EIF2AK3: variants seen among roughly 807,000 people sequenced by gnomAD.
EIF2AK3 encodes the protein eukaryotic translation initiation factor 2-alpha kinase 3.
In EIF2AK3, 50 loss-of-function variants were observed where a neutral mutation model predicts 113.5. That is an observed-to-expected ratio of 0.44 (90% CI 0.35 to 0.56). The LOEUF is 0.56. EIF2AK3 is among the 20% of genes least tolerant of loss of function. The pLI is 0.00. For synonymous variants in EIF2AK3, 448 were observed against 495.4 expected, an observed-to-expected ratio of 0.90 and a Z score of 1.27; for missense variants, 1,185 against 1,378.0, an observed-to-expected ratio of 0.86 and a Z score of 2.22.
At chr2:88,609,768 G>A (rs930411280) in intron 2 of EIF2AK3, among the ~76,000 whole-genome samples, 1 of 151,976 alleles carries the variant, frequency 6.6e-6, no homozygotes, top group African/African-American at 2.4e-5. Flanking sequence ...GAACACATCT[G>A]ACGGTATTTG....
intron 16 of EIF2AK3, 117 bp from the exon 17 acceptor site, chr2:88,558,053 G>A (rs1673831518): frequency 5.0e-6 from 5 of 1,007,364 alleles, no homozygotes; most frequent in Non-Finnish European, 7.5e-6. Flanking sequence ...AGCCATATTC[G>A]AGTTTTCAAG....
rs139901728 is a variant in EIF2AK3 at position 88,613,834 on chromosome 2, T to C, written c.328A>G (p.Thr110Ala). Residue 110 changes from threonine to alanine, a missense_variant, in exon 2 of 17, where the codon ACT becomes GCT. This residue lies in a region of EIF2AK3 where 189 missense variants were observed against 175.2 expected (regional missense o/e 1.08). Transcript: ENST00000303236. ...AAGGCAGCAATTCTCCCATCTAAAG[T>C]GCTGATAATTACTAATGACCTGTAA... ...PRGRSLVIIS[T>A]LDGRIAALDP... 1.5e-5 allele frequency: 24 copies of C among 1,613,128 alleles called. No individual in the cohort carries two copies. In the Admixed American group the frequency reaches 3.2e-4, roughly 21 times the overall value.
At chr2:88,575,611 C>T in intron 12 of EIF2AK3, 165 bp from the exon 13 acceptor site, 4 of 734,492 alleles carry the variant, frequency 5.4e-6, no homozygotes, top group Non-Finnish European at 9.3e-6. Context: ...AGATACAGAA[C>T]ATCACATTCC....
chr2:88,562,358 G>A lies in EIF2AK3; in HGVS notation c.3018C>T (p.Asp1006=). 1 of 1,614,036 alleles carries A rather than the reference G, an allele frequency of 6.2e-7. No homozygotes were observed. The highest frequency in any genetic ancestry group is 8.5e-7 in the Non-Finnish European group (1 of 1,179,966). Residue 1006 remains aspartate, a synonymous_variant, in exon 15 of 17, where the codon GAC becomes GAT. Transcript: ENST00000303236. ...IHGNSYSHKV[D]IFSLGLILFE... ...ATAGAATCAGGCCTAAAGAAAAGAT[G>A]TCCACTTTATGAGAATAGCTGTTTC...
intron 15 of EIF2AK3, among the ~76,000 whole-genome samples, chr2:88,561,355 G>A (rs992164691): frequency 7.3e-5 from 11 of 151,584 alleles, no homozygotes; most frequent in Non-Finnish European, 1.5e-4. Flanking sequence ...TCCGCCTCCC[G>A]GGTTCACACC....
chr2:88,595,220 A>C (rs1415167795), intron 3 of EIF2AK3, among the ~76,000 whole-genome samples: 7 of 151,214 alleles, frequency 4.6e-5, no homozygotes, highest in African/African-American at 1.5e-4. Context: ...AAAAAAAAAA[A>C]AAAAAAAAAC....
In EIF2AK3 at chr2:88,590,814, G is replaced by A. The variant is rs761175863; in HGVS notation, c.1002+4C>T. ...TATTTTAAATCCTCAGTGGTGTTAG[G>A]TACCTGGTACTCCCATTCCAGATGT... On this transcript the variant is annotated splice_donor_region_variant and intron_variant, in intron 5 of 16. Coordinates refer to ENST00000303236, the MANE Select transcript of EIF2AK3 (RefSeq NM_004836.7). 3 of 1,613,548 alleles carry A rather than the reference G, an allele frequency of 1.9e-6. No individual in the cohort carries two copies. The highest frequency in any genetic ancestry group is 2.7e-5 in the African/African-American group (2 of 74,896).
At chr2:88,582,060 C>T (rs1674612888) in intron 10 of EIF2AK3, among the ~76,000 whole-genome samples, 1 of 152,144 alleles carries the variant, frequency 6.6e-6, no homozygotes. Flanking sequence ...ACCTAGTGAT[C>T]CACTGGCAAC....
intron 2 of EIF2AK3, among the ~76,000 whole-genome samples, chr2:88,606,683 G>A (rs2104459564): frequency 6.6e-6 from 1 of 152,158 alleles, no homozygotes; most frequent in Non-Finnish European, 1.5e-5. Context: ...TACTTAAAAG[G>A]GTCTACTAAT....
At chr2:88,571,399 C>A (rs1411885742) in intron 13 of EIF2AK3, among the ~76,000 whole-genome samples, 1 of 152,192 alleles carries the variant, frequency 6.6e-6, no homozygotes, top group Non-Finnish European at 1.5e-5. Context: ...ATAATTATAA[C>A]TAATAATAAC....
intron 13 of EIF2AK3, among the ~76,000 whole-genome samples, 162 bp from the exon 14 acceptor site, chr2:88,571,203 T>C (rs1674299847): frequency 6.6e-6 from 1 of 152,242 alleles, no homozygotes. Context: ...ACAATTTTTC[T>C]GTGCCAGACA....
At chr2:88,579,401 G>A in intron 11 of EIF2AK3, 117 bp downstream of exon 11, 1 of 1,387,786 alleles carries the variant, frequency 7.2e-7, no homozygotes, top group South Asian at 1.2e-5. Context: ...CCTAAGATTT[G>A]AAACGTCTGA....
In EIF2AK3 at chr2:88,590,999, G is replaced by A. The variant is rs1372248590; in HGVS notation, c.821C>T (p.Thr274Met). The part of the protein sequence containing the change: ...FELRYIPDME[T>M]RAGFIESTFK... ...GGTGCTTTCAATAAATCCGGCTCTC[G>A]TTTCCATGTCTGGAATATACCGAAG... The change falls in exon 5 of 17, where the codon ACG becomes ATG. Residue 274 changes from threonine (T) to methionine (M), a missense_variant. This residue lies in a region of EIF2AK3 where 877 missense variants were observed against 1,024.2 expected (regional missense o/e 0.86). Transcript: ENST00000303236. The A allele has an allele frequency of 1.2e-5, 20 of 1,613,890 alleles. No individual in the cohort carries two copies. The highest frequency in any genetic ancestry group is 5.0e-5 in the Admixed American group (3 of 60,002).
intron 15 of EIF2AK3, among the ~76,000 whole-genome samples, 164 bp from the exon 16 acceptor site, chr2:88,559,143 G>C (rs987426473): frequency 1.3e-5 from 2 of 152,128 alleles, no homozygotes; most frequent in African/African-American, 4.8e-5. Flanking sequence ...CCTGAGCACA[G>C]ATGTACACTC....
intron 15 of EIF2AK3, among the ~76,000 whole-genome samples, chr2:88,561,437 A>AT (rs1252474820): frequency 6.6e-6 from 1 of 151,376 alleles, no homozygotes; most frequent in African/African-American, 2.4e-5. Context: ...AATTTTTTGT[A>AT]TTTTTAGCAG....
At chr2:88,623,398 A>G (rs1162638164) in intron 1 of EIF2AK3, among the ~76,000 whole-genome samples, 1 of 152,234 alleles carries the variant, frequency 6.6e-6, no homozygotes, top group Non-Finnish European at 1.5e-5. Context: ...TTATTCACTC[A>G]TTCACATGCT....
intron 10 of EIF2AK3, among the ~76,000 whole-genome samples, chr2:88,580,882 A>C (rs907335745): frequency 6.6e-6 from 1 of 152,184 alleles, no homozygotes. Flanking sequence ...TATTCCTAAA[A>C]ATAGCCAGTC....
At chr2:88,598,639 TAA>T (rs1335547254) in intron 2 of EIF2AK3, among the ~76,000 whole-genome samples, 1 of 151,896 alleles carries the variant, frequency 6.6e-6, no homozygotes, top group Non-Finnish European at 1.5e-5. Context: ...AAAACTAGAT[TAA>T]AAGAGGCTAA....
At chr2:88,567,944 CTT>C (rs1354053986) in intron 14 of EIF2AK3, among the ~76,000 whole-genome samples, 1 of 152,012 alleles carries the variant, frequency 6.6e-6, no homozygotes, top group Non-Finnish European at 1.5e-5. Flanking sequence ...TTTTTTGACT[CTT>C]AATATGTAAA....
Sources: allele counts gnomAD v4.1 joint callset (sites outside exome capture counted in the v4.1 genomes callset), GRCh38; gene constraint gnomAD v4.1.1; regional missense constraint gnomAD v4.1.1; transcripts MANE v1.5; gene names NCBI Gene and HGNC (gene_info 2026-07-23, HGNC 2026-07-21).